The following WDR62 variants were observed in gnomAD, a reference collection of about 807,000 sequenced individuals.
The protein encoded by WDR62 is WD repeat domain 62.
A neutral mutation model predicts 160.6 loss-of-function variants in WDR62; 112 were observed. The ratio of observed to expected loss-of-function variants is 0.70; its 90% confidence interval spans 0.60 to 0.82. WDR62 has a LOEUF of 0.82. Ranked by LOEUF, WDR62 falls within the 40% of genes least tolerant of loss-of-function variation. The pLI is 0.00. For synonymous variants in WDR62, 792 were observed against 815.1 expected (o/e 0.97, Z 0.48); for missense variants, 1,819 against 1,983.8 (o/e 0.92, Z 1.58).
intron 20 of WDR62, among the ~76,000 whole-genome samples, chr19:36,094,891 C>G (rs1972864777): frequency 6.6e-6 from 1 of 152,098 alleles, no homozygotes; most frequent in Non-Finnish European, 1.5e-5. Context: ...ATTAGCCAGG[C>G]CTGGTGGTGC....
intron 1 of WDR62, among the ~76,000 whole-genome samples, chr19:36,056,968 T>C (rs1474528476): frequency 2.0e-5 from 3 of 152,124 alleles, no homozygotes; most frequent in East Asian, 3.9e-4. Flanking sequence ...CATGCCACCA[T>C]ACCTGACTAA....
In WDR62 at chr19:36,103,054, GCCT is replaced by G; in HGVS notation, c.3445_3447del (p.Ser1149del). The G allele has an allele frequency of 6.2e-7, 1 of 1,614,108 alleles. No homozygotes were observed. The highest frequency in any genetic ancestry group is 1.1e-5 in the South Asian group (1 of 91,084). ...CCAGCCCAGAGCAGGTACTGGCTAC[GCCT>G]CCCCAGACAGGACCCACGTGAGTAT... On this transcript the variant is annotated inframe_deletion, in exon 28 of 32. Transcript: ENST00000401500.
At chr19:36,069,411 G>A (rs940849650) in intron 7 of WDR62, among the ~76,000 whole-genome samples, 3 of 151,250 alleles carry the variant, frequency 2.0e-5, no homozygotes, top group Non-Finnish European at 2.9e-5. Context: ...GGGCAGAGGC[G>A]CTCCCCGCAT....
chr19:36,090,400 G>A (rs1972518297), intron 15 of WDR62, 45 bp from the exon 16 acceptor site: 2 of 1,589,822 alleles, frequency 1.3e-6, no homozygotes, highest in Non-Finnish European at 1.7e-6. Context: ...GAGGTGGTGG[G>A]GTAGGCGGGG....
intron 20 of WDR62, among the ~76,000 whole-genome samples, chr19:36,095,808 C>T (rs1473638220): frequency 6.6e-6 from 1 of 152,204 alleles, no homozygotes; most frequent in Non-Finnish European, 1.5e-5. Context: ...AATAAATGAA[C>T]AAGTAAAAAT....
chr19:36,071,749 G>T (rs1158463949), intron 8 of WDR62, 33 bp downstream of exon 8: 10 of 1,599,886 alleles, frequency 6.3e-6, no homozygotes, highest in Admixed American at 3.4e-5. Context: ...AATGGGAGGG[G>T]CCCACCCAGA....
intron 7 of WDR62, chr19:36,070,201 A>C (rs1272872304): frequency 2.1e-5 from 3 of 140,172 alleles, no homozygotes; most frequent in African/African-American, 8.2e-5. Context: ...ACTTGTTGCC[A>C]AGGCTGGAGT....
intron 7 of WDR62, among the ~76,000 whole-genome samples, chr19:36,068,966 C>T (rs116391084): frequency 0.031 from 4,654 of 151,302 alleles, 148 homozygotes; most frequent in African/African-American, 0.088. Context: ...CCGGACGGGG[C>T]GGCGGCAGGG....
intron 20 of WDR62, among the ~76,000 whole-genome samples, chr19:36,095,565 G>C (rs769361637): frequency 2.0e-5 from 3 of 152,202 alleles, no homozygotes; most frequent in Non-Finnish European, 4.4e-5. Context: ...AGGCCGAGGC[G>C]GGTGGATCAC....
chr19:36,093,057 GA>G (rs1972730549), intron 19 of WDR62, among the ~76,000 whole-genome samples: 1 of 152,170 alleles, frequency 6.6e-6, no homozygotes, highest in Non-Finnish European at 1.5e-5. Context: ...GGCTTGTCTT[GA>G]ACTCCTGGGC....
chr19:36,057,205 A>G (rs1232392012), intron 1 of WDR62, among the ~76,000 whole-genome samples: 1 of 152,224 alleles, frequency 6.6e-6, no homozygotes, highest in African/African-American at 2.4e-5. Context: ...GTGAGGATTC[A>G]ATGAGGTTAC....
At chr19:36,098,953 G>A (rs1211945446) in intron 21 of WDR62, among the ~76,000 whole-genome samples, 1 of 152,160 alleles carries the variant, frequency 6.6e-6, no homozygotes, top group Non-Finnish European at 1.5e-5. Flanking sequence ...TGGGCGCAGT[G>A]GCTCATGCCT....
chr19:36,060,106 A>C (rs770464111), intron 3 of WDR62, 76 bp downstream of exon 3: 8 of 1,430,134 alleles, frequency 5.6e-6, no homozygotes, highest in Non-Finnish European at 7.9e-6. Context: ...CACAGCCTGG[A>C]GATACTCATG....
intron 13 of WDR62, 59 bp from the exon 14 acceptor site, chr19:36,088,979 T>C (rs1972422018): frequency 6.3e-7 from 1 of 1,591,420 alleles, no homozygotes; most frequent in East Asian, 2.2e-5. Context: ...GTTCCCCAGC[T>C]AGGGTCCCCT....
chr19:36,085,414 CTTTTTTTT>C (rs35753706), intron 12 of WDR62, among the ~76,000 whole-genome samples: 19 of 70,402 alleles, frequency 2.7e-4, no homozygotes, highest in Admixed American at 8.9e-4. Flanking sequence ...CACACCTGAC[CTTTTTTTT>C]TTTTTTTTTT....
chr19:36,070,591 C>T (rs1340874024), intron 7 of WDR62: 1 of 152,230 alleles, frequency 6.6e-6, no homozygotes, highest in African/African-American at 2.4e-5. Context: ...CCTGGCCTGC[C>T]TTTGTGACTC....
At position 36,101,148 on chromosome 19, in the gene WDR62, G is replaced by A. The variant is rs1226790742; in HGVS notation, c.2868-66G>A. 2.0e-6 allele frequency: 3 copies of A among 1,468,118 alleles called. No homozygotes were observed. In the East Asian group the frequency reaches 7.0e-5, roughly 34 times the overall value. 90.9% of individuals were successfully genotyped at this position (1,468,118 alleles called of 1,614,324 possible). On this transcript the variant is annotated intron_variant, in intron 23 of 31. Transcript: ENST00000401500. ...GGGTACAGGTGCCTAGGGGCTCCGG[G>A]TGGGGCTAGCTGTTGAGTCTCCAGC...
At chr19:36,078,197 G>A (rs977731219) in intron 9 of WDR62, among the ~76,000 whole-genome samples, 1 of 151,224 alleles carries the variant, frequency 6.6e-6, no homozygotes, top group Non-Finnish European at 1.5e-5. Context: ...GCCCAGGCTG[G>A]GGTGCAGTGG....
At chr19:36,068,250 C>A (rs544121584) in intron 7 of WDR62, among the ~76,000 whole-genome samples, 1 of 152,338 alleles carries the variant, frequency 6.6e-6, no homozygotes, top group African/African-American at 2.4e-5. Flanking sequence ...GTGCTTGGTA[C>A]CCTGAAATGG....
Sources: gnomAD v4.1 joint callset for allele counts (sites outside exome capture counted in the v4.1 genomes callset) on GRCh38, gnomAD v4.1.1 for gene constraint, MANE v1.5 for transcripts, NCBI Gene and HGNC (gene_info 2026-07-23, HGNC 2026-07-21) for gene names.